The following MALRD1 variants were observed in gnomAD, a reference collection of about 807,000 sequenced individuals.
MALRD1 encodes the protein MAM and LDL-receptor class A domain-containing protein 1.
A neutral mutation model predicts 242.1 loss-of-function variants in MALRD1; 247 were observed. The observed-to-expected ratio is 1.02, with a 90% confidence interval of 0.92 to 1.13. The LOEUF (loss-of-function observed/expected upper bound fraction) is 1.13. Ranked by LOEUF, MALRD1 falls within the 50% of genes most tolerant of loss-of-function variation. The pLI is 0.00. For synonymous variants in MALRD1, 995 were observed against 866.6 expected, an observed-to-expected ratio of 1.15 and a Z score of -2.60; for missense variants, 2,989 against 2,533.1, an observed-to-expected ratio of 1.18 and a Z score of -3.86.
chr10:19,476,469 A>C (rs2131158972), intron 29 of MALRD1, among the ~76,000 whole-genome samples: 1 of 151,924 alleles, frequency 6.6e-6, no homozygotes, highest in East Asian at 1.9e-4. Flanking sequence ...TGAGAGACAT[A>C]CTCCCTGTTC....
At chr10:19,220,005 AC>A (rs1190063981) in intron 18 of MALRD1, among the ~76,000 whole-genome samples, 1 of 152,120 alleles carries the variant, frequency 6.6e-6, no homozygotes, top group Non-Finnish European at 1.5e-5. Context: ...ACAATTTTAA[AC>A]CTAGACAGTT....
At chr10:19,591,086 C>T (rs370069959) in intron 33 of MALRD1, among the ~76,000 whole-genome samples, 1 of 152,194 alleles carries the variant, frequency 6.6e-6, no homozygotes, top group East Asian at 1.9e-4. Context: ...CCCATAATTC[C>T]TGGCAGATAC....
intron 26 of MALRD1, among the ~76,000 whole-genome samples, chr10:19,380,868 A>G (rs993510753): frequency 6.6e-5 from 10 of 151,368 alleles, no homozygotes; most frequent in Non-Finnish European, 1.3e-4. Context: ...TTCTTCTAGG[A>G]TCACTTGATT....
intron 38 of MALRD1, among the ~76,000 whole-genome samples, chr10:19,695,873 A>G (rs571707931): frequency 1.7e-3 from 259 of 151,060 alleles, no homozygotes; most frequent in Non-Finnish European, 2.8e-3. Flanking sequence ...GTGTAGGGGA[A>G]CTCCCCTTTA....
intron 23 of MALRD1, among the ~76,000 whole-genome samples, chr10:19,330,861 A>T (rs559656422): frequency 1.2e-4 from 15 of 124,500 alleles, no homozygotes; most frequent in South Asian, 2.3e-4. Flanking sequence ...TGTACAATTT[A>T]AAAAAAAAAA....
At chr10:19,247,488 T>C (rs1393718716) in intron 18 of MALRD1, among the ~76,000 whole-genome samples, 1 of 151,832 alleles carries the variant, frequency 6.6e-6, no homozygotes, top group African/African-American at 2.4e-5. Flanking sequence ...TAATGCCTTA[T>C]TGTAAGGAGA....
At chr10:19,636,723 A>AC (rs1456100241) in intron 36 of MALRD1, among the ~76,000 whole-genome samples, 2 of 151,790 alleles carry the variant, frequency 1.3e-5, no homozygotes, top group Admixed American at 6.6e-5. Flanking sequence ...ACATGGTGAA[A>AC]CCCCGTCTCT....
In MALRD1 at chr10:19,608,116, T is replaced by A. The variant is rs562490862; in HGVS notation, c.6070+214T>A. ...ATGGGCTCATGCTAGTTCTACACAA[T>A]GTTTGATAAGAAAAGAAAAATCAAA... On this transcript the variant is annotated intron_variant, in intron 35 of 39. Coordinates refer to ENST00000454679, the MANE Select transcript of MALRD1 (RefSeq NM_001142308.3). 7.2e-5 allele frequency among the ~76,000 whole-genome samples: 11 copies of A among 152,260 alleles called. No individual in the cohort carries two copies. In the South Asian group the frequency reaches 2.3e-3, roughly 32 times the overall value.
At chr10:19,627,218 T>C (rs1350786448) in intron 36 of MALRD1, among the ~76,000 whole-genome samples, 2 of 152,004 alleles carry the variant, frequency 1.3e-5, no homozygotes, top group African/African-American at 4.8e-5. Context: ...TAAAAATATA[T>C]ATAGGGGAAA....
chr10:19,459,235 T>C (rs539094066), intron 29 of MALRD1, among the ~76,000 whole-genome samples: 2 of 152,248 alleles, frequency 1.3e-5, no homozygotes, highest in South Asian at 4.1e-4. Flanking sequence ...AGTCTAAAGG[T>C]GTTAACCAAA....
intron 18 of MALRD1, among the ~76,000 whole-genome samples, chr10:19,211,260 C>T (rs1177142967): frequency 1.3e-5 from 2 of 151,742 alleles, no homozygotes; most frequent in Admixed American, 6.6e-5. Flanking sequence ...GGTTTGAGAC[C>T]CATGTTGGGT....
intron 36 of MALRD1, among the ~76,000 whole-genome samples, chr10:19,657,799 G>C (rs975198449): frequency 1.3e-5 from 2 of 152,174 alleles, no homozygotes; most frequent in Admixed American, 6.5e-5. Context: ...AATGAAGAAA[G>C]AAGAATCAAA....
intron 32 of MALRD1, among the ~76,000 whole-genome samples, chr10:19,539,871 T>C (rs1200268420): frequency 7.8e-5 from 6 of 77,236 alleles, no homozygotes; most frequent in African/African-American, 2.1e-4. Context: ...TGTGTGTGTG[T>C]GTGTGTGTGT....
At chr10:19,148,658 G>C (rs1833808682) in intron 11 of MALRD1, among the ~76,000 whole-genome samples, 1 of 151,470 alleles carries the variant, frequency 6.6e-6, no homozygotes, top group Admixed American at 6.6e-5. Context: ...TTCTTTTCCG[G>C]TGAGATGAAG....
rs563724836 is a variant in MALRD1 at position 19,498,573 on chromosome 10, G to T, written c.5247G>T (p.Glu1749Asp). 1 of 1,550,316 alleles carries T rather than the reference G, an allele frequency of 6.5e-7. No homozygotes were observed. The highest frequency in any genetic ancestry group is 2.0e-5 in the Admixed American group (1 of 50,966). Reference sequence around the variant, plus strand: ...CCTGCAGTCTTACTCAAGACTCTGAGGATGACTTGGACTGGGCCATTGGCA... The same window carrying T: ...CCTGCAGTCTTACTCAAGACTCTGATGATGACTTGGACTGGGCCATTGGCA... ...TTACSLTQDS[E>D]DDLDWAIGSR... Residue 1749 changes from glutamate to aspartate, a missense_variant, in exon 31 of 40, where the codon GAG (glutamate) becomes GAT (aspartate). Coordinates refer to ENST00000454679, the MANE Select transcript of MALRD1 (RefSeq NM_001142308.3).
In MALRD1 at chr10:19,723,973, G is replaced by A. The variant is rs940858663; in HGVS notation, c.6315-6733G>A. The stretch of plus-strand genomic sequence containing the variant: ...CTCAGGGGGCTGAGGCAGGAGGATC[G>A]CTTGGGCCCAGGAGTTCAAGGCTGC... On this transcript the variant is annotated intron_variant, in intron 38 of 39. Coordinates refer to ENST00000454679, the MANE Select transcript of MALRD1 (RefSeq NM_001142308.3). 4.0e-5 allele frequency among the ~76,000 whole-genome samples: 6 copies of A among 151,650 alleles called. No individual in the cohort carries two copies. In the East Asian group the frequency reaches 9.7e-4, roughly 25 times the overall value.
intron 2 of MALRD1, among the ~76,000 whole-genome samples, chr10:19,085,733 A>G (rs556480050): frequency 4.7e-4 from 72 of 152,136 alleles, no homozygotes; most frequent in African/African-American, 1.7e-3. Context: ...TGCTACTTTT[A>G]TTATTTAATA....
intron 29 of MALRD1, among the ~76,000 whole-genome samples, chr10:19,477,855 C>G (rs1836810948): frequency 6.6e-6 from 1 of 152,214 alleles, no homozygotes; most frequent in African/African-American, 2.4e-5. Context: ...GATGGAGTCT[C>G]TAACTGGCCT....
In MALRD1 at chr10:19,708,310, T is replaced by A. The variant is rs1421437139; in HGVS notation, c.6314+15756T>A. Among the ~76,000 whole-genome samples the A allele has an allele frequency of 5.0e-5, 6 of 118,916 alleles. 1 individual carries two copies. The highest frequency in any genetic ancestry group is 1.1e-4 in the African/African-American group (4 of 37,258). The allele number at this position is 118,916 out of a possible 152,430, so 78.0% of individuals were successfully genotyped here. A position where few individuals can be genotyped will look rare whatever the true frequency, so the allele number is the denominator to read the frequency against. The stretch of plus-strand genomic sequence containing the variant: ...ACTACATATGATGTTATGTGTTTTT[T>A]TTTTTAACCTTCTTTTTCTTTTTCT... On this transcript the variant is annotated intron_variant, in intron 38 of 39. Transcript: ENST00000454679.
Sources: allele counts gnomAD v4.1 joint callset (sites outside exome capture counted in the v4.1 genomes callset), GRCh38; gene constraint gnomAD v4.1.1; transcripts MANE v1.5; gene names NCBI Gene and HGNC (gene_info 2026-07-23, HGNC 2026-07-21).